Variants in POLR1A observed in about 807,000 individuals in gnomAD.
The protein encoded by POLR1A is DNA-directed RNA polymerase I subunit RPA1.
In POLR1A, 84 loss-of-function variants were observed where a neutral mutation model predicts 205.3. The ratio of observed to expected loss-of-function variants is 0.41; its 90% confidence interval spans 0.34 to 0.49. The LOEUF is 0.49. Ranked by LOEUF, POLR1A falls within the 20% of genes least tolerant of loss-of-function variation. The pLI, the probability that POLR1A is intolerant of heterozygous loss-of-function variation, is 0.22. For synonymous variants in POLR1A, 799 were observed against 863.7 expected (o/e 0.93, Z 1.31); for missense variants, 1,645 against 2,204.5 (o/e 0.75, Z 5.08).
intron 24 of POLR1A, 104 bp downstream of exon 24, chr2:86,041,785 C>T (rs1432216632): frequency 1.0e-6 from 1 of 993,528 alleles, no homozygotes; most frequent in Non-Finnish European, 1.6e-6. Flanking sequence ...AGTCTCAAAC[C>T]CAGGAGGCAG....
In POLR1A at chr2:86,054,100, G is replaced by A. The variant is rs113794455; in HGVS notation, c.2208+40C>T. On this transcript the variant is annotated intron_variant, in intron 15 of 33. Transcript: ENST00000263857. The stretch of plus-strand genomic sequence containing the variant: ...TTTTAAACCAATCTGTCTAACCCCG[G>A]CACTAGAAGTCTCCACTCCACACAG... 168 of 1,603,172 alleles carry A rather than the reference G, an allele frequency of 1.0e-4. 1 individual carries two copies. In the African/African-American group the frequency reaches 1.9e-3, roughly 19 times the overall value.
At chr2:86,053,077 G>T in intron 15 of POLR1A, 77 bp from the exon 16 acceptor site, 1 of 1,112,262 alleles carries the variant, frequency 9.0e-7, no homozygotes, top group Non-Finnish European at 1.2e-6. Context: ...TACTCCATGT[G>T]TGACCCTCGT....
At chr2:86,032,469 C>G in intron 28 of POLR1A, 87 bp from the exon 29 acceptor site, 3 of 940,578 alleles carry the variant, frequency 3.2e-6, no homozygotes, top group Non-Finnish European at 5.2e-6. Flanking sequence ...ACCCATCCAT[C>G]CATCCATGCC....
At chr2:86,088,891 A>G (rs1455522103) in intron 4 of POLR1A, 21 bp from the exon 5 acceptor site, 21 of 1,573,510 alleles carry the variant, frequency 1.3e-5, no homozygotes, top group Non-Finnish European at 1.8e-5. Context: ...AAAAAAAGTC[A>G]GAGAACCTTG....
At position 86,024,625 on chromosome 2, in the gene POLR1A, T is replaced by C. The variant is rs1382754474; in HGVS notation, c.*2798A>G. On this transcript the variant is annotated 3_prime_UTR_variant, in exon 34 of 34. Transcript: ENST00000263857. ...AAAAAAATTAACTGGCCAGGCACGG[T>C]GGCTCACACCACCCAGCACTTTGGG... 3 of 152,208 alleles carry C rather than the reference T, an allele frequency of 2.0e-5. No homozygotes were observed. Among genetic ancestry groups the C allele is most frequent in the African/African-American group, 7.2e-5 (3 of 41,428 alleles). The allele number at this position is 152,208 out of a possible 1,614,324, so 9.4% of individuals were successfully genotyped here.
intron 8 of POLR1A, 94 bp from the exon 9 acceptor site, chr2:86,081,072 C>T (rs1673392999): frequency 8.6e-7 from 1 of 1,162,446 alleles, no homozygotes. Context: ...GGGAGCACAC[C>T]CCACCATGCT....
intron 12 of POLR1A, among the ~76,000 whole-genome samples, chr2:86,074,096 G>A (rs1297086400): frequency 2.0e-5 from 3 of 152,234 alleles, no homozygotes; most frequent in Non-Finnish European, 4.4e-5. Flanking sequence ...CCCTCAGGAC[G>A]GCGGTGAGAA....
rs1043543120 is a variant in POLR1A, at chr2:86,105,878, C to A, written c.-102G>T. On this transcript the variant is annotated 5_prime_UTR_variant, in exon 1 of 34. Transcript: ENST00000263857. ...AGCCCGGAGTCACCACGCGATTCAA[C>A]GTGCGCTTGCGCGCGGAAGCGGTCG... The A allele has an allele frequency of 1.9e-6, 2 of 1,076,722 alleles. No individual in the cohort carries two copies. The highest frequency in any genetic ancestry group is 2.8e-6 in the Non-Finnish European group (2 of 722,398). 66.7% of individuals were successfully genotyped at this position (1,076,722 alleles called of 1,614,324 possible).
At chr2:86,033,492 G>C (rs986991044) in intron 28 of POLR1A, among the ~76,000 whole-genome samples, 169 bp downstream of exon 28, 2 of 152,264 alleles carry the variant, frequency 1.3e-5, no homozygotes, top group Non-Finnish European at 2.9e-5. Context: ...ATCAGGCCAA[G>C]AAGTGAATGC....
chr2:86,068,697 T>C (rs1452887000), intron 13 of POLR1A, among the ~76,000 whole-genome samples: 2 of 152,212 alleles, frequency 1.3e-5, no homozygotes, highest in African/African-American at 4.8e-5. Context: ...CACTTCTTCC[T>C]ACATTTAGTC....
intron 3 of POLR1A, among the ~76,000 whole-genome samples, chr2:86,093,065 G>A (rs527306582): frequency 6.6e-6 from 1 of 152,280 alleles, no homozygotes; most frequent in South Asian, 2.1e-4. Context: ...GGAAAGGAAT[G>A]GAGTCATTCA....
intron 6 of POLR1A, among the ~76,000 whole-genome samples, chr2:86,083,483 T>C (rs1673441385): frequency 1.3e-5 from 2 of 152,274 alleles, no homozygotes; most frequent in South Asian, 4.1e-4. Flanking sequence ...TCTATACACG[T>C]ATTTTACACA....
chr2:86,027,221 T>G lies in POLR1A; in HGVS notation c.*202A>C. The G allele has an allele frequency of 1.7e-6, 1 of 596,996 alleles. No homozygotes were observed. The highest frequency in any genetic ancestry group is 3.0e-6 in the Non-Finnish European group (1 of 333,992). 37.0% of individuals were successfully genotyped at this position (596,996 alleles called of 1,614,324 possible). A position where few individuals can be genotyped will look rare whatever the true frequency, so the allele number is the denominator to read the frequency against. On this transcript the variant is annotated 3_prime_UTR_variant, in exon 34 of 34. Transcript: ENST00000263857. ...ATCCAGAGACAGGGAGGGGCAAGGA[T>G]GAGCAACTCTGTCACTTTCCAGGTG...
intron 14 of POLR1A, among the ~76,000 whole-genome samples, chr2:86,059,533 A>G (rs1672959500): frequency 6.6e-6 from 1 of 152,152 alleles, no homozygotes; most frequent in Admixed American, 6.5e-5. Context: ...GTTCTCCTGA[A>G]CAGTCCCAGG....
chr2:86,102,376 G>C (rs1673836692), intron 1 of POLR1A, among the ~76,000 whole-genome samples: 1 of 152,142 alleles, frequency 6.6e-6, no homozygotes, highest in Non-Finnish European at 1.5e-5. Flanking sequence ...TAAAATTGGT[G>C]ATGTTCAACA....
chr2:86,098,467 C>G, intron 3 of POLR1A, 144 bp downstream of exon 3: 4 of 753,674 alleles, frequency 5.3e-6, no homozygotes, highest in Non-Finnish European at 8.8e-6. Context: ...TTTTCACACT[C>G]AGCTATTGGT....
rs1672312676 is a variant in POLR1A at position 86,028,559 on chromosome 2, C to A, written c.4897+35G>T. 6.6e-7 allele frequency: 1 copy of A among 1,510,940 alleles called. No individual in the cohort carries two copies. The highest frequency in any genetic ancestry group is 1.4e-5 in the African/African-American group (1 of 73,062). 93.6% of individuals were successfully genotyped at this position (1,510,940 alleles called of 1,614,324 possible). On this transcript the variant is annotated intron_variant, in intron 32 of 33. Transcript: ENST00000263857. The surrounding 1 kb of genome is among the most constrained non-coding windows in gnomAD (Gnocchi z 4.5). ...GCCTTCTGGTGTCCTGGCTGGTGCC[C>A]AGACCTCGGGGTGTTATCTGCAAGC...
At position 86,101,034 on chromosome 2, in the gene POLR1A, C is replaced by A. The variant is rs148643684; in HGVS notation, c.78-862G>T. 3.0e-4 allele frequency among the ~76,000 whole-genome samples: 45 copies of A among 152,250 alleles called. No individual in the cohort carries two copies. In the East Asian group the frequency reaches 7.9e-3, roughly 27 times the overall value. On this transcript the variant is annotated intron_variant, in intron 1 of 33. Transcript: ENST00000263857. ...CCAGTTCAATGAAGGGAATGTGATGCAACAATCCCTGTATGCAGAAATAGT... is the reference window on the plus strand; with the variant it reads ...CCAGTTCAATGAAGGGAATGTGATGAAACAATCCCTGTATGCAGAAATAGT...
At chr2:86,056,739 A>G (rs1672905273) in intron 14 of POLR1A, among the ~76,000 whole-genome samples, 1 of 152,174 alleles carries the variant, frequency 6.6e-6, no homozygotes, top group South Asian at 2.1e-4. Flanking sequence ...AATTATGCTA[A>G]ATCGACTCTG....
Sources: gnomAD v4.1 joint callset for allele counts (sites outside exome capture counted in the v4.1 genomes callset) on GRCh38, gnomAD v4.1.1 for gene constraint, Gnocchi (gnomAD v3.1) non-coding constraint, MANE v1.5 for transcripts, NCBI Gene and HGNC (gene_info 2026-07-23, HGNC 2026-07-21) for gene names.